GPC5: variants seen among roughly 807,000 people sequenced by gnomAD.
GPC5 encodes the protein glypican 5, also known as glypican-5.
A neutral mutation model predicts 53.9 loss-of-function variants in GPC5; 47 were observed. That is an observed-to-expected ratio of 0.87 (90% CI 0.69 to 1.11). GPC5 has a LOEUF of 1.11. Ranked by LOEUF, GPC5 falls within the 50% of genes most tolerant of loss-of-function variation. The pLI, the probability that GPC5 is intolerant of heterozygous loss-of-function variation, is 0.00. For missense variants in GPC5, 748 were observed against 713.1 expected, an observed-to-expected ratio of 1.05 and a Z score of -0.56; for synonymous variants, 286 against 263.3, an observed-to-expected ratio of 1.09 and a Z score of -0.84.
rs536189196 is a variant in GPC5 at position 91,943,262 on chromosome 13, A to G, written c.1401+35205A>G. The stretch of plus-strand genomic sequence containing the variant: ...TATTTGATTAACAAAATGCCTCAAC[A>G]GATTATGTCAGTTAAATGAGTGTTA... On this transcript the variant is annotated intron_variant, in intron 6 of 7. Transcript: ENST00000377067. 2.0e-5 allele frequency among the ~76,000 whole-genome samples: 3 copies of G among 152,302 alleles called. No homozygotes were observed. In the East Asian group the frequency reaches 5.8e-4, roughly 29 times the overall value.
intron 6 of GPC5, among the ~76,000 whole-genome samples, chr13:91,940,222 C>T (rs1185812455): frequency 6.6e-6 from 1 of 152,156 alleles, no homozygotes; most frequent in Non-Finnish European, 1.5e-5. Flanking sequence ...TTAGCTCCCA[C>T]TTACAAGTGA....
intron 7 of GPC5, among the ~76,000 whole-genome samples, chr13:92,361,078 G>C (rs549277725): frequency 6.6e-6 from 1 of 151,866 alleles, no homozygotes; most frequent in South Asian, 2.1e-4. Context: ...CTGCCATATG[G>C]AAATGCAGCC....
intron 7 of GPC5, among the ~76,000 whole-genome samples, chr13:92,322,756 C>T (rs2043224493): frequency 6.6e-6 from 1 of 152,048 alleles, no homozygotes; most frequent in Non-Finnish European, 1.5e-5. Flanking sequence ...CAATTTATGT[C>T]ATGAAGAAAA....
intron 7 of GPC5, among the ~76,000 whole-genome samples, chr13:92,309,485 T>A (rs1413403558): frequency 1.3e-5 from 2 of 152,160 alleles, no homozygotes; most frequent in Non-Finnish European, 2.9e-5. Flanking sequence ...TGTCTGTCAC[T>A]ATTGATTCAG....
At chr13:91,842,558 C>T (rs375192316) in intron 5 of GPC5, among the ~76,000 whole-genome samples, 1,847 of 150,038 alleles carry the variant, frequency 0.012, 51 homozygotes, top group African/African-American at 0.043. Flanking sequence ...AAAAATTAGC[C>T]GGGCGTGTTG....
chr13:92,083,920 C>T (rs2041316275), intron 6 of GPC5, among the ~76,000 whole-genome samples: 1 of 152,312 alleles, frequency 6.6e-6, no homozygotes, highest in Non-Finnish European at 1.5e-5. Flanking sequence ...GGTACATATA[C>T]TCCATGGAAT....
At chr13:91,642,556 C>G (rs2034455499) in intron 2 of GPC5, among the ~76,000 whole-genome samples, 1 of 152,022 alleles carries the variant, frequency 6.6e-6, no homozygotes, top group Admixed American at 6.6e-5. Flanking sequence ...ACAGAAAGGT[C>G]TATAAAGATC....
chr13:91,586,729 A>G (rs1036529234), intron 2 of GPC5, among the ~76,000 whole-genome samples: 8 of 149,694 alleles, frequency 5.3e-5, no homozygotes, highest in Admixed American at 2.0e-4. Context: ...TTATAATTCA[A>G]GATGAGATTT....
At chr13:92,749,221 T>A (rs1418564568) in intron 7 of GPC5, among the ~76,000 whole-genome samples, 3 of 152,154 alleles carry the variant, frequency 2.0e-5, no homozygotes, top group African/African-American at 7.2e-5. Context: ...CCAAACAAAT[T>A]TGGCAGAGTT....
intron 2 of GPC5, among the ~76,000 whole-genome samples, chr13:91,489,230 C>T (rs375835388): frequency 2.6e-5 from 4 of 152,270 alleles, no homozygotes; most frequent in East Asian, 1.9e-4. Flanking sequence ...ACACCCTATT[C>T]GTACACTCCC....
At chr13:92,059,619 G>A (rs1277018704) in intron 6 of GPC5, among the ~76,000 whole-genome samples, 2 of 151,880 alleles carry the variant, frequency 1.3e-5, no homozygotes, top group African/African-American at 2.4e-5. Flanking sequence ...TATAATGACG[G>A]TAGGATAGTT....
intron 7 of GPC5, among the ~76,000 whole-genome samples, chr13:92,160,527 A>G (rs911004779): frequency 6.6e-6 from 1 of 152,198 alleles, no homozygotes; most frequent in Non-Finnish European, 1.5e-5. Flanking sequence ...TAAGCCATTG[A>G]ACAGAGAGTA....
intron 7 of GPC5, among the ~76,000 whole-genome samples, chr13:92,330,682 T>C (rs529495375): frequency 6.6e-6 from 1 of 152,284 alleles, no homozygotes; most frequent in East Asian, 1.9e-4. Context: ...TTTAAGAGTA[T>C]TTATCTTTCC....
intron 5 of GPC5, among the ~76,000 whole-genome samples, chr13:91,889,178 C>T (rs1476087208): frequency 6.6e-6 from 1 of 152,036 alleles, no homozygotes; most frequent in Non-Finnish European, 1.5e-5. Flanking sequence ...GTACCTGGCC[C>T]CTCAAATAGT....
intron 7 of GPC5, among the ~76,000 whole-genome samples, chr13:92,722,027 C>T (rs1020797374): frequency 6.6e-6 from 1 of 151,900 alleles, no homozygotes; most frequent in African/African-American, 2.4e-5. Flanking sequence ...TCATTTTATT[C>T]ATATCAAGGG....
chr13:92,255,093 T>C (rs201302181), intron 7 of GPC5, among the ~76,000 whole-genome samples: 2 of 152,322 alleles, frequency 1.3e-5, no homozygotes, highest in East Asian at 1.9e-4. Context: ...CAGGAGGAGA[T>C]GCATAAGTTG....
chr13:92,093,371 C>T (rs753691176), intron 6 of GPC5, among the ~76,000 whole-genome samples: 3 of 151,796 alleles, frequency 2.0e-5, no homozygotes, highest in Non-Finnish European at 4.4e-5. Flanking sequence ...TTAAACAGTC[C>T]TAATGTTTGT....
At chr13:91,523,365 A>G (rs1885930223) in intron 2 of GPC5, among the ~76,000 whole-genome samples, 1 of 152,200 alleles carries the variant, frequency 6.6e-6, no homozygotes, top group African/African-American at 2.4e-5. Context: ...CGGATAAAGT[A>G]ATTTTCTATA....
At chr13:91,604,459 T>C (rs2033290120) in intron 2 of GPC5, among the ~76,000 whole-genome samples, 1 of 151,444 alleles carries the variant, frequency 6.6e-6, no homozygotes. Flanking sequence ...GTCCTTTGGG[T>C]ATATACCCAG....
Sources: gnomAD v4.1 joint callset for allele counts (sites outside exome capture counted in the v4.1 genomes callset) on GRCh38, gnomAD v4.1.1 for gene constraint, MANE v1.5 for transcripts, NCBI Gene and HGNC (gene_info 2026-07-23, HGNC 2026-07-21) for gene names.